Variants in FGGY observed in about 807,000 individuals in gnomAD.
The protein encoded by FGGY is FGGY carbohydrate kinase domain-containing protein.
A neutral mutation model predicts 71.3 loss-of-function variants in FGGY; 72 were observed. The observed-to-expected ratio is 1.01, with a 90% CI of 0.84 to 1.23. The LOEUF (loss-of-function observed/expected upper bound fraction) is 1.23. Ranked by LOEUF, FGGY falls within the 50% of genes most tolerant of loss-of-function variation. The probability of loss-of-function intolerance (pLI) is 0.00; values close to 1 mark genes in which losing one functional copy is unlikely to be tolerated. For synonymous variants in FGGY, 251 were observed against 250.3 expected (o/e 1.00, Z -0.02); for missense variants, 668 against 682.3 (o/e 0.98, Z 0.23).
intron 5 of FGGY, among the ~76,000 whole-genome samples, chr1:59,428,122 C>A (rs1376427085): frequency 6.6e-6 from 1 of 152,192 alleles, no homozygotes; most frequent in Non-Finnish European, 1.5e-5. Flanking sequence ...ATGGTCATTT[C>A]TGCCTCTGTG....
At chr1:59,386,443 G>T (rs748840886) in intron 5 of FGGY, among the ~76,000 whole-genome samples, 1 of 152,032 alleles carries the variant, frequency 6.6e-6, no homozygotes. Context: ...CCTATCAAGC[G>T]AACACACTCT....
At chr1:59,761,768 T>C (rs1172600848) in intron 15 of FGGY, among the ~76,000 whole-genome samples, 1 of 152,168 alleles carries the variant, frequency 6.6e-6, no homozygotes, top group East Asian at 1.9e-4. Context: ...TACATTTCCA[T>C]GGGGTTTTGC....
intron 5 of FGGY, among the ~76,000 whole-genome samples, chr1:59,415,718 G>A (rs2064282432): frequency 6.6e-6 from 1 of 152,130 alleles, no homozygotes; most frequent in African/African-American, 2.4e-5. Flanking sequence ...TCTAGGTCCA[G>A]GACTGAATTT....
chr1:59,520,858 T>C (rs1187090707), intron 7 of FGGY, among the ~76,000 whole-genome samples: 1 of 152,092 alleles, frequency 6.6e-6, no homozygotes, highest in Non-Finnish European at 1.5e-5. Context: ...CTGAGGACAC[T>C]GGGGTCAGAA....
chr1:59,585,963 G>C (rs1057404217), intron 8 of FGGY, among the ~76,000 whole-genome samples: 6 of 152,172 alleles, frequency 3.9e-5, no homozygotes, highest in Non-Finnish European at 5.9e-5. Flanking sequence ...ACCACAATGA[G>C]ATACCATCTC....
intron 14 of FGGY, among the ~76,000 whole-genome samples, chr1:59,744,334 C>T (rs561401509): frequency 2.6e-5 from 4 of 152,334 alleles, no homozygotes; most frequent in Non-Finnish European, 4.4e-5. Context: ...GATTCTCCTG[C>T]CTCAGCCTCC....
At chr1:59,578,364 C>G (rs4408175) in intron 8 of FGGY, among the ~76,000 whole-genome samples, 11 of 151,746 alleles carry the variant, frequency 7.2e-5, no homozygotes, top group Non-Finnish European at 1.6e-4. Context: ...AGCCAGATAA[C>G]AACGTATATG....
intron 8 of FGGY, among the ~76,000 whole-genome samples, chr1:59,559,294 T>C (rs1273395844): frequency 6.6e-6 from 1 of 152,234 alleles, no homozygotes; most frequent in Admixed American, 6.5e-5. Context: ...TAAGAAATTA[T>C]AAAAGTATTA....
chr1:59,477,577 C>A (rs2093317926), intron 6 of FGGY, among the ~76,000 whole-genome samples: 1 of 152,112 alleles, frequency 6.6e-6, no homozygotes, highest in Non-Finnish European at 1.5e-5. Context: ...GTGAGGAGAA[C>A]AAAGATGATC....
At chr1:59,594,209 T>G (rs1402278304) in intron 8 of FGGY, among the ~76,000 whole-genome samples, 2 of 152,142 alleles carry the variant, frequency 1.3e-5, no homozygotes, top group African/African-American at 4.8e-5. Flanking sequence ...TCCAGCACCT[T>G]TGTTGTTTGT....
At chr1:59,673,840 C>T in intron 13 of FGGY, 199 bp from the exon 14 acceptor site, 3 of 546,876 alleles carry the variant, frequency 5.5e-6, no homozygotes, top group Non-Finnish European at 1.0e-5. Flanking sequence ...CTCTTGGCTA[C>T]TGCACCAGCA....
intron 7 of FGGY, among the ~76,000 whole-genome samples, chr1:59,528,645 G>T (rs945993369): frequency 1.3e-5 from 2 of 152,144 alleles, no homozygotes; most frequent in Admixed American, 6.5e-5. Flanking sequence ...GCTGGATTTA[G>T]CCTCAGGAGT....
intron 14 of FGGY, among the ~76,000 whole-genome samples, chr1:59,699,803 C>T (rs558658265): frequency 9.2e-5 from 14 of 152,290 alleles, no homozygotes; most frequent in African/African-American, 3.1e-4. Flanking sequence ...GCATGTCCCG[C>T]GTTGATTGCA....
At chr1:59,675,882 T>G (rs191022094) in intron 14 of FGGY, among the ~76,000 whole-genome samples, 2 of 152,210 alleles carry the variant, frequency 1.3e-5, no homozygotes, top group Non-Finnish European at 2.9e-5. Context: ...TGGGAGCTAA[T>G]TAGGGTTAGA....
chr1:59,403,699 G>T (rs1285212332), intron 5 of FGGY, among the ~76,000 whole-genome samples: 2 of 152,208 alleles, frequency 1.3e-5, no homozygotes, highest in Non-Finnish European at 2.9e-5. Context: ...ATCACAGGTT[G>T]TGTGTTGGGG....
intron 4 of FGGY, among the ~76,000 whole-genome samples, chr1:59,354,903 G>A (rs534464213): frequency 7.2e-5 from 11 of 152,330 alleles, no homozygotes; most frequent in African/African-American, 2.4e-4. Context: ...TGATGAGATA[G>A]GAAGGAGGAG....
chr1:59,722,495 G>T (rs1438013611), intron 14 of FGGY, among the ~76,000 whole-genome samples: 1 of 152,112 alleles, frequency 6.6e-6, no homozygotes, highest in Non-Finnish European at 1.5e-5. Context: ...TGGGAGATTT[G>T]TCTCTTCTCA....
At chr1:59,641,738 G>A (rs1433064347) in intron 11 of FGGY, among the ~76,000 whole-genome samples, 1 of 152,098 alleles carries the variant, frequency 6.6e-6, no homozygotes, top group Non-Finnish European at 1.5e-5. Flanking sequence ...GTTCAACTAG[G>A]AAAACTAGAA....
At position 59,724,191 on chromosome 1, in the gene FGGY, C is replaced by T. The variant is rs892844074; in HGVS notation, c.1513-33740C>T. On this transcript the variant is annotated intron_variant, in intron 14 of 15. Transcript: ENST00000303721. ...TAAAAAATTAAAGTTAAAAATCCCCCGTGTTGGCCAGGCATGGTGGCTCAT... is the reference window on the plus strand; with the variant it reads ...TAAAAAATTAAAGTTAAAAATCCCCTGTGTTGGCCAGGCATGGTGGCTCAT... Among the ~76,000 whole-genome samples, 5 of 147,364 alleles carry T rather than the reference C, an allele frequency of 3.4e-5. No individual in the cohort carries two copies. In the South Asian group the frequency reaches 6.6e-4, roughly 19 times the overall value.
Sources: gnomAD v4.1 joint callset for allele counts (sites outside exome capture counted in the v4.1 genomes callset) on GRCh38, gnomAD v4.1.1 for gene constraint, MANE v1.5 for transcripts, NCBI Gene and HGNC (gene_info 2026-07-23, HGNC 2026-07-21) for gene names.